SLC5A2: variants seen among roughly 807,000 people sequenced by gnomAD.
SLC5A2 encodes sodium/glucose cotransporter 2.
A neutral mutation model predicts 69.0 loss-of-function variants in SLC5A2; 67 were observed. The ratio of observed to expected loss-of-function variants is 0.97; its 90% CI spans 0.80 to 1.19. The LOEUF is 1.19. Ranked by LOEUF, SLC5A2 falls within the 50% of genes most tolerant of loss-of-function variation. SLC5A2 has a pLI of 0.00. For synonymous variants in SLC5A2, 455 were observed against 395.8 expected (o/e 1.15, Z -1.78); for missense variants, 1,001 against 921.5 (o/e 1.09, Z -1.12).
Position 31,487,054 on chromosome 16 carries a change from A to G in SLC5A2, c.575-266A>G, listed in dbSNP as rs2082501446. ...GGCAAGACTCCATCTCAAAAACAAA[A>G]ACAAAAACAAACAAAACTGGGGCCT... On this transcript the variant is annotated intron_variant, in intron 5 of 13. Coordinates refer to ENST00000330498, the MANE Select transcript of SLC5A2 (RefSeq NM_003041.4). Among the ~76,000 whole-genome samples, 8 of 151,538 alleles carry G rather than the reference A, an allele frequency of 5.3e-5. No homozygotes were observed. The South Asian group carries it at 1.7e-3, about 32-fold the overall frequency.
rs748585579 is a variant in SLC5A2 at position 31,490,473 on chromosome 16, G to C, written c.1957G>C (p.Val653Leu). 1 of 1,614,030 alleles carries C rather than the reference G, an allele frequency of 6.2e-7. No homozygotes were observed. Among genetic ancestry groups the C allele is most frequent in the Non-Finnish European group, 8.5e-7 (1 of 1,180,012 alleles). Residue 653 changes from valine (V) to leucine (L), a missense_variant, in exon 14 of 14, where the codon GTC becomes CTC. Physicochemically the swap from Val to Leu is conservative, Grantham distance 32. Transcript: ENST00000330498. Reference protein sequence around the residue: ...ISEDPSWARVVNLNALLMMAV... With the variant: ...ISEDPSWARVLNLNALLMMAV... ...CGAGGACCCGAGCTGGGCCCGTGTG[G>C]TCAACCTCAATGCCCTGCTCATGAT...
Position 31,487,594 on chromosome 16 carries a change from G to A in SLC5A2, c.720G>A (p.Leu240=). 1 of 1,613,916 alleles carries A rather than the reference G, an allele frequency of 6.2e-7. No homozygotes were observed. The highest frequency in any genetic ancestry group is 8.5e-7 in the Non-Finnish European group (1 of 1,179,992). Residue 240 remains leucine (L), a synonymous_variant, in exon 7 of 14, where the codon CTG becomes CTA. Coordinates refer to ENST00000330498, the MANE Select transcript of SLC5A2 (RefSeq NM_003041.4). The part of the protein sequence containing the change: ...FDKYLGAATS[L]TVSEDPAVGN... ...AATACCTGGGAGCAGCGACTTCGCT[G>A]ACGGTGTCCGAGGATCCAGCCGTGG...
Position 31,490,463 on chromosome 16 carries a change from G to A in SLC5A2, c.1947G>A (p.Trp649Ter). ...AGGACATCAGCGAGGACCCGAGCTG[G>A]GCCCGTGTGGTCAACCTCAATGCCC... ...RLEDISEDPS[W>*]ARVVNLNALL... Residue 649 changes from tryptophan (W) to a stop codon, truncating the protein, a stop_gained, in exon 14 of 14, where the codon TGG becomes TGA. Transcript: ENST00000330498. LOFTEE classifies it high-confidence loss of function. 1 of 1,614,044 alleles carries A rather than the reference G, an allele frequency of 6.2e-7. No homozygotes were observed. Among genetic ancestry groups the A allele is most frequent in the Non-Finnish European group, 8.5e-7 (1 of 1,180,016 alleles).
intron 12 of SLC5A2, 95 bp downstream of exon 12, chr16:31,489,433 C>A: frequency 8.6e-7 from 1 of 1,169,270 alleles, no homozygotes; most frequent in Non-Finnish European, 1.2e-6. Context: ...AATTTCTCGA[C>A]TGAGGGTTGG....
At chr16:31,489,366 A>G (rs2082538328) in intron 12 of SLC5A2, 28 bp downstream of exon 12, 1 of 1,585,354 alleles carries the variant, frequency 6.3e-7, no homozygotes, top group African/African-American at 1.3e-5. Flanking sequence ...CCAGGCAAGC[A>G]CTGTGGGACA....
At chr16:31,487,995 G>A (rs1381098283) in intron 7 of SLC5A2, 43 bp from the exon 8 acceptor site, 1 of 1,606,704 alleles carries the variant, frequency 6.2e-7, no homozygotes. Context: ...GGGCGGGGCC[G>A]AGGGGAGGCC....
At chr16:31,486,017 G>T in intron 4 of SLC5A2, 124 bp downstream of exon 4, 1 of 1,257,150 alleles carries the variant, frequency 8.0e-7, no homozygotes, top group South Asian at 1.2e-5. Context: ...GATGGAGGCA[G>T]AGCCTGCAAT....
Position 31,488,656 on chromosome 16 carries a change from C to T in SLC5A2, c.1164C>T (p.Ala388=), listed in dbSNP as rs2082523362. 2 of 1,612,302 alleles carry T rather than the reference C, an allele frequency of 1.2e-6. No individual in the cohort carries two copies. The highest frequency in any genetic ancestry group is 2.2e-5 in the East Asian group (1 of 44,830). ...GACTCATGCTGGCGGTCATGCTGGC[C>T]GCGCTCATGTCCTCGCTGGCCTCCA... ...LRGLMLAVML[A]ALMSSLASIF... Residue 388 remains alanine, a synonymous_variant, in exon 10 of 14, where the codon GCC becomes GCT. Transcript: ENST00000330498.
chr16:31,488,823 T>C, intron 10 of SLC5A2, 51 bp downstream of exon 10: 1 of 1,600,854 alleles, frequency 6.2e-7, no homozygotes, highest in Non-Finnish European at 8.5e-7. Flanking sequence ...GGGCGGGGGC[T>C]TGCGCACCTG....
At chr16:31,485,102 G>A in intron 3 of SLC5A2, 179 bp downstream of exon 3, 1 of 698,340 alleles carries the variant, frequency 1.4e-6, no homozygotes, top group South Asian at 1.6e-5. Flanking sequence ...GGGTGCAGGG[G>A]TGACCACTGT....
chr16:31,488,926 G>A lies in SLC5A2; in HGVS notation c.1327G>A (p.Val443Met), dbSNP rs1283690073. Residue 443 changes from valine to methionine, a missense_variant, in exon 11 of 14, where the codon GTG (valine) becomes ATG (methionine). Physicochemically the swap from Val to Met is conservative, Grantham distance 21. Coordinates refer to ENST00000330498, the MANE Select transcript of SLC5A2 (RefSeq NM_003041.4). Reference sequence around the variant, plus strand: ...GGTAGTGTCGGTGGCCTGGCTTCCCGTGGTGCAGGCGGCACAGGGCGGGCA... The same window carrying A: ...GGTAGTGTCGGTGGCCTGGCTTCCCATGGTGCAGGCGGCACAGGGCGGGCA... ...IVVVSVAWLP[V>M]VQAAQGGQLF... 3.1e-6 allele frequency: 5 copies of A among 1,604,764 alleles called. No individual in the cohort carries two copies. In the Admixed American group the frequency reaches 5.0e-5, roughly 16 times the overall value.
At chr16:31,488,816 C>A (rs2082526356) in intron 10 of SLC5A2, 44 bp downstream of exon 10, 2 of 1,600,220 alleles carry the variant, frequency 1.2e-6, no homozygotes, top group African/African-American at 1.3e-5. Context: ...CAGCCCGGGG[C>A]GGGGGCTTGC....
At chr16:31,489,071 CG>C in intron 11 of SLC5A2, 23 bp downstream of exon 11, 2 of 1,602,540 alleles carry the variant, frequency 1.2e-6, no homozygotes, top group South Asian at 1.1e-5. Flanking sequence ...CGCGTGGTGA[CG>C]GCAGGGCTGG....
chr16:31,489,967 G>A (rs1187319593), intron 12 of SLC5A2, 137 bp from the exon 13 acceptor site: 12 of 1,155,352 alleles, frequency 1.0e-5, no homozygotes, highest in Non-Finnish European at 1.5e-5. Context: ...GAGTTGGCAT[G>A]AGTTAAGCCT....
Position 31,489,334 on chromosome 16 carries a change from A to C in SLC5A2, c.1661A>C (p.Lys554Thr), listed in dbSNP as rs1430358013. ...CTGTGCACCGCGCCCATCCCCAGAA[A>C]GCACGTGAGTGGCCAGGTGCCCCAG... The part of the protein sequence containing the change: ...VSLCTAPIPR[K>T]HLHRLVFSLR... The change falls in exon 12 of 14, where the codon AAG (lysine) becomes ACG (threonine). Residue 554 changes from lysine to threonine, a missense_variant. Coordinates refer to ENST00000330498, the MANE Select transcript of SLC5A2 (RefSeq NM_003041.4). 1 of 1,607,768 alleles carries C rather than the reference A, an allele frequency of 6.2e-7. No individual in the cohort carries two copies. Among genetic ancestry groups the C allele is most frequent in the Non-Finnish European group, 8.5e-7 (1 of 1,179,926 alleles).
Position 31,487,591 on chromosome 16 carries a change from G to A in SLC5A2, c.717G>A (p.Ser239=). ...ACAAATACCTGGGAGCAGCGACTTC[G>A]CTGACGGTGTCCGAGGATCCAGCCG... ...LFDKYLGAAT[S]LTVSEDPAVG... is the part of the protein sequence containing the mutation. Residue 239 remains serine, a synonymous_variant, in exon 7 of 14, where the codon TCG becomes TCA. Transcript: ENST00000330498. The A allele has an allele frequency of 6.2e-7, 1 of 1,613,846 alleles. No homozygotes were observed. Among genetic ancestry groups the A allele is most frequent in the Non-Finnish European group, 8.5e-7 (1 of 1,179,982 alleles).
Position 31,490,428 on chromosome 16 carries a change from A to G in SLC5A2, c.1912A>G (p.Arg638Gly). 6.2e-7 allele frequency: 1 copy of G among 1,613,720 alleles called. No homozygotes were observed. ...CCAGGAGGAGGCAGCGGCAGCAGCC[A>G]GGCGGCTGGAGGACATCAGCGAGGA... ...LTQEEAAAAA[R>G]RLEDISEDPS... The change falls in exon 14 of 14, where the codon AGG (arginine) becomes GGG (glycine). Residue 638 changes from arginine (R) to glycine (G), a missense_variant. Arg to Gly is a moderately radical substitution (Grantham distance 125). Transcript: ENST00000330498.
At chr16:31,483,331 G>T in intron 1 of SLC5A2, 69 bp downstream of exon 1, 1 of 1,588,620 alleles carries the variant, frequency 6.3e-7, no homozygotes. Context: ...GTCTCAGGGG[G>T]ACCCTAGGTG....
rs147052910 is a variant in SLC5A2, at chr16:31,490,113, C to T, written c.1675C>T (p.Leu559=). 10 of 1,613,848 alleles carry T rather than the reference C, an allele frequency of 6.2e-6. No individual in the cohort carries two copies. The African/African-American group carries it at 1.2e-4, about 19-fold the overall frequency. ...APIPRKHLHR[L]VFSLRHSKEE... is the part of the protein sequence containing the mutation. ...CTCCCACCCTCCCCAGCTCCACCGCCTGGTCTTCAGTCTCCGGCATAGCAA... is the reference window on the plus strand; with the variant it reads ...CTCCCACCCTCCCCAGCTCCACCGCTTGGTCTTCAGTCTCCGGCATAGCAA... Residue 559 remains leucine, a synonymous_variant, in exon 13 of 14, where the codon CTG becomes TTG. Coordinates refer to ENST00000330498, the MANE Select transcript of SLC5A2 (RefSeq NM_003041.4).
Sources: gnomAD v4.1 joint callset for allele counts (sites outside exome capture counted in the v4.1 genomes callset) on GRCh38, gnomAD v4.1.1 for gene constraint, MANE v1.5 for transcripts, NCBI Gene and HGNC (gene_info 2026-07-23, HGNC 2026-07-21) for gene names.